The following CLRN1 variants were observed in gnomAD, a reference collection of about 807,000 sequenced individuals.
CLRN1 encodes the protein clarin 1, also known as clarin-1.
In CLRN1, 15 loss-of-function variants were observed where a neutral mutation model predicts 18.7. The ratio of observed to expected loss-of-function variants is 0.80; its 90% CI spans 0.54 to 1.23. The LOEUF is 1.23. Ranked by LOEUF, CLRN1 falls within the 50% of genes most tolerant of loss-of-function variation. The pLI is 0.00. For missense variants in CLRN1, 311 were observed against 277.5 expected (o/e 1.12, Z -0.86); for synonymous variants, 104 against 102.9 (o/e 1.01, Z -0.07).
intron 1 of CLRN1, among the ~76,000 whole-genome samples, chr3:150,952,499 T>C (rs1242027856): frequency 6.6e-6 from 1 of 152,186 alleles, no homozygotes; most frequent in Non-Finnish European, 1.5e-5. Flanking sequence ...AATTTAACGA[T>C]ATTTCAACTT....
intron 1 of CLRN1, chr3:150,943,709 G>C (rs561568034): frequency 2.5e-6 from 4 of 1,575,934 alleles, no homozygotes; most frequent in African/African-American, 2.7e-5. Flanking sequence ...CACCCTACAT[G>C]ATGAAGCAAA....
chr3:150,929,671 C>A (rs1713036247), intron 2 of CLRN1, among the ~76,000 whole-genome samples: 1 of 152,162 alleles, frequency 6.6e-6, no homozygotes, highest in Admixed American at 6.5e-5. Flanking sequence ...TTTATGGATT[C>A]CTTTTTTCTT....
At chr3:150,959,781 C>A (rs1714937094) in intron 1 of CLRN1, among the ~76,000 whole-genome samples, 1 of 151,882 alleles carries the variant, frequency 6.6e-6, no homozygotes. Flanking sequence ...GTTGTCTTAC[C>A]ATTCATTTTA....
chr3:150,927,343 T>G lies in CLRN1; in HGVS notation c.*593A>C. ...CTCACTTTATTGCCCAGGCTGTAACTCGAACTCCTGAACTCAAATGATCTT... is the reference window on the plus strand; with the variant it reads ...CTCACTTTATTGCCCAGGCTGTAACGCGAACTCCTGAACTCAAATGATCTT... On this transcript the variant is annotated 3_prime_UTR_variant, in exon 3 of 3. Transcript: ENST00000327047. The G allele has an allele frequency of 2.4e-6, 1 of 417,572 alleles. No homozygotes were observed. The highest frequency in any genetic ancestry group is 4.7e-6 in the Non-Finnish European group (1 of 213,110). The allele number at this position is 417,572 out of a possible 1,614,324, so 25.9% of individuals were successfully genotyped here. A position where few individuals can be genotyped will look rare whatever the true frequency, so the allele number is the denominator to read the frequency against.
chr3:150,952,642 A>C (rs1360521415), intron 1 of CLRN1, among the ~76,000 whole-genome samples: 1 of 152,100 alleles, frequency 6.6e-6, no homozygotes, highest in Non-Finnish European at 1.5e-5. Context: ...TTAAACAAAC[A>C]AACAAACAAA....
At chr3:150,955,812 C>A (rs1342973260) in intron 1 of CLRN1, among the ~76,000 whole-genome samples, 2 of 152,104 alleles carry the variant, frequency 1.3e-5, no homozygotes, top group Non-Finnish European at 2.9e-5. Context: ...TCCCAAAGCC[C>A]AACTGTCTAT....
chr3:150,939,177 CA>C (rs961798951), intron 2 of CLRN1, among the ~76,000 whole-genome samples: 3 of 152,124 alleles, frequency 2.0e-5, no homozygotes, highest in Non-Finnish European at 4.4e-5. Flanking sequence ...ACATGAGCAC[CA>C]GGGGGAGAGA....
intron 1 of CLRN1, among the ~76,000 whole-genome samples, chr3:150,961,088 T>A (rs1042994876): frequency 3.9e-5 from 6 of 152,204 alleles, no homozygotes. Flanking sequence ...AAGACCTTCA[T>A]GAAAATGGAA....
intron 1 of CLRN1, among the ~76,000 whole-genome samples, chr3:150,942,103 T>TA (rs1371596075): frequency 6.6e-6 from 1 of 152,138 alleles, no homozygotes; most frequent in South Asian, 2.1e-4. Flanking sequence ...GGTAGTCATT[T>TA]AAAAAAATTT....
chr3:150,948,817 C>CA (rs1714328789), intron 1 of CLRN1, among the ~76,000 whole-genome samples: 2 of 151,932 alleles, frequency 1.3e-5, no homozygotes, highest in Non-Finnish European at 2.9e-5. Flanking sequence ...GAACCTATTC[C>CA]AAAAAAATTG....
intron 1 of CLRN1, among the ~76,000 whole-genome samples, chr3:150,951,709 T>C (rs1187581443): frequency 6.6e-6 from 1 of 152,070 alleles, no homozygotes; most frequent in Admixed American, 6.5e-5. Context: ...GTGGCAGCAT[T>C]AGCTTCTAGG....
intron 1 of CLRN1, among the ~76,000 whole-genome samples, chr3:150,948,149 C>G (rs1714275309): frequency 6.6e-6 from 1 of 152,082 alleles, no homozygotes; most frequent in Non-Finnish European, 1.5e-5. Context: ...AGGCCACTAG[C>G]TAGCCTAATA....
At chr3:150,948,223 G>A (rs1384284685) in intron 1 of CLRN1, among the ~76,000 whole-genome samples, 4 of 151,260 alleles carry the variant, frequency 2.6e-5, no homozygotes, top group Admixed American at 6.6e-5. Flanking sequence ...GGTGGCTCAC[G>A]CCTGTAATCC....
Position 150,941,576 on chromosome 3 carries a change from A to G in CLRN1, c.433+6T>C, listed in dbSNP as rs1713842546. 1.9e-6 allele frequency: 3 copies of G among 1,613,816 alleles called. No homozygotes were observed. Among genetic ancestry groups the G allele is most frequent in the Non-Finnish European group, 2.5e-6 (3 of 1,179,762 alleles). ...TTTGTCTTCAGAGGTAGAATTTTGT[A>G]CTTACCTGAAATGAAGCTCAAAAGG... is the stretch of plus-strand genomic sequence containing the variant. On this transcript the variant is annotated splice_donor_region_variant and intron_variant, in intron 2 of 2. Coordinates refer to ENST00000327047, the MANE Select transcript of CLRN1 (RefSeq NM_174878.3).
intron 2 of CLRN1, among the ~76,000 whole-genome samples, chr3:150,937,587 G>A (rs145060600): frequency 1.2e-3 from 171 of 147,004 alleles, no homozygotes; most frequent in South Asian, 4.7e-3. Flanking sequence ...TGAACTATGG[G>A]GGATGATGAA....
At chr3:150,957,350 C>T (rs977903918) in intron 1 of CLRN1, among the ~76,000 whole-genome samples, 1 of 152,080 alleles carries the variant, frequency 6.6e-6, no homozygotes, top group South Asian at 2.1e-4. Flanking sequence ...ACCTGCAACA[C>T]TTATCTCTGG....
chr3:150,945,136 ATG>A (rs780167174), intron 1 of CLRN1, among the ~76,000 whole-genome samples: 14 of 152,198 alleles, frequency 9.2e-5, no homozygotes, highest in Non-Finnish European at 1.9e-4. Context: ...AAGTGCCTCA[ATG>A]ACCTCTCCCT....
At position 150,927,950 on chromosome 3, in the gene CLRN1, C is replaced by G; in HGVS notation, c.685G>C (p.Asp229His). ...KDAETTNVAA[D>H]LMY is the part of the protein sequence containing the mutation. ...AGGTTTGCCTTTCAGTACATTAGAT[C>G]TGCAGCTACATTAGTTGTTTCTGCG... The change falls in exon 3 of 3, where the codon GAT becomes CAT. Residue 229 changes from aspartate to histidine, a missense_variant. By Grantham distance (81) the Asp-to-His change is moderately conservative (BLOSUM62 -1). Transcript: ENST00000327047. 1 of 1,614,182 alleles carries G rather than the reference C, an allele frequency of 6.2e-7. No individual in the cohort carries two copies. Among genetic ancestry groups the G allele is most frequent in the Non-Finnish European group, 8.5e-7 (1 of 1,180,030 alleles).
At chr3:150,969,292 A>AAT (rs766087778) in intron 1 of CLRN1, among the ~76,000 whole-genome samples, 1,745 of 61,372 alleles carry the variant, frequency 0.028, 36 homozygotes, top group African/African-American at 0.05. Flanking sequence ...TGTGGCTTGT[A>AAT]ATATATATAT....
Sources: allele counts gnomAD v4.1 joint callset (sites outside exome capture counted in the v4.1 genomes callset), GRCh38; gene constraint gnomAD v4.1.1; transcripts MANE v1.5; gene names NCBI Gene and HGNC (gene_info 2026-07-23, HGNC 2026-07-21).